RASGEF1B: variants seen among roughly 807,000 people sequenced by gnomAD.
RASGEF1B encodes RasGEF domain family member 1B.
Under a neutral mutation model 65.7 loss-of-function variants are expected in RASGEF1B, and 30 were observed. The observed-to-expected ratio is 0.46, with a 90% CI of 0.34 to 0.62. The LOEUF (loss-of-function observed/expected upper bound fraction) is 0.62, where lower values mean the gene tolerates loss of function less well. RASGEF1B is among the 20% of genes least tolerant of loss of function. The pLI, the probability that RASGEF1B is intolerant of heterozygous loss-of-function variation, is 0.01. For missense variants in RASGEF1B, 495 were observed against 580.1 expected (o/e 0.85, Z 1.51); for synonymous variants, 175 against 194.8 (o/e 0.90, Z 0.85).
intron 1 of RASGEF1B, among the ~76,000 whole-genome samples, chr4:81,468,964 T>C (rs1272553518): frequency 2.6e-5 from 4 of 152,200 alleles, no homozygotes; most frequent in Non-Finnish European, 5.9e-5. Context: ...AGTCTCCTTA[T>C]TTCCAAGGCA....
In RASGEF1B at chr4:81,433,863, G is replaced by A; in HGVS notation, c.1301C>T (p.Thr434Ile). ...RDRKILQYLL[T>I]VPVFSEDALY... Reference sequence around the variant, plus strand: ...ACCATCTTCACTGAAGACTGGTACTGTGAGCAGATACTGCAAGATCTTCCG... The same window carrying A: ...ACCATCTTCACTGAAGACTGGTACTATGAGCAGATACTGCAAGATCTTCCG... Residue 434 changes from threonine (T) to isoleucine (I), a missense_variant, in exon 12 of 14, where the codon ACA (threonine) becomes ATA (isoleucine). By Grantham distance (89) the Thr-to-Ile change is moderately conservative. Coordinates refer to ENST00000264400, the MANE Select transcript of RASGEF1B (RefSeq NM_152545.3). 2 of 1,614,050 alleles carry A rather than the reference G, an allele frequency of 1.2e-6. No individual in the cohort carries two copies. The highest frequency in any genetic ancestry group is 1.7e-6 in the Non-Finnish European group (2 of 1,179,956).
At chr4:81,434,026 G>A in intron 11 of RASGEF1B, 63 bp from the exon 12 acceptor site, 13 of 1,377,644 alleles carry the variant, frequency 9.4e-6, no homozygotes, top group Non-Finnish European at 1.2e-5. Flanking sequence ...GAGTTTGGGA[G>A]AGGCAATACC....
At chr4:81,432,461 C>G (rs992965749) in intron 12 of RASGEF1B, 90 bp from the exon 13 acceptor site, 5 of 764,250 alleles carry the variant, frequency 6.5e-6, no homozygotes, top group Non-Finnish European at 1.1e-5. Context: ...GAGCCAAACT[C>G]CATAGCAAAA....
chr4:81,447,489 G>C lies in RASGEF1B; in HGVS notation c.729+15C>G. The C allele has an allele frequency of 6.2e-7, 1 of 1,606,544 alleles. No individual in the cohort carries two copies. Among genetic ancestry groups the C allele is most frequent in the Non-Finnish European group, 8.5e-7 (1 of 1,173,214 alleles). ...ATTTTTGGTTTCAGTGCTGACCTTT[G>C]GGTAGACTGATTACCTTGTCATTAT... On this transcript the variant is annotated intron_variant, in intron 6 of 13. Transcript: ENST00000264400.
At position 81,435,095 on chromosome 4, in the gene RASGEF1B, C is replaced by T. The variant is rs551161603; in HGVS notation, c.1105-361G>A. On this transcript the variant is annotated intron_variant, in intron 10 of 13. Coordinates refer to ENST00000264400, the MANE Select transcript of RASGEF1B (RefSeq NM_152545.3). Reference sequence around the variant, plus strand: ...GAACTCTTGCCTTTCACTTAGCAACCCCTTAGCAAAATGTTAATAGAATAC... The same window carrying T: ...GAACTCTTGCCTTTCACTTAGCAACTCCTTAGCAAAATGTTAATAGAATAC... Among the ~76,000 whole-genome samples the T allele has an allele frequency of 6.4e-4, 98 of 152,174 alleles. 2 individuals carry two copies. The highest frequency in any genetic ancestry group is 2.3e-3 in the African/African-American group (95 of 41,522).
Position 81,433,904 on chromosome 4 carries a change from A to T in RASGEF1B, c.1260T>A (p.Cys420Ter). The change falls in exon 12 of 14, where the codon TGT becomes TGA. Residue 420 changes from cysteine to a stop codon, truncating the protein, a stop_gained. Transcript: ENST00000264400. LOFTEE classifies it high-confidence loss of function. Reference protein sequence around the residue: ...SEFMTWKQVECPFERDRKILQ... With the variant: ...SEFMTWKQVE ...AGATCTTCCGGTCCCTCTCAAATGG[A>T]CACTCCACTTGTTTCCATGTCATAA... 6.2e-7 allele frequency: 1 copy of T among 1,614,030 alleles called. No individual in the cohort carries two copies. Among genetic ancestry groups the T allele is most frequent in the Non-Finnish European group, 8.5e-7 (1 of 1,179,926 alleles).
chr4:81,466,813 A>AGAAAGAAAGAAAGAAAGAAG, intron 1 of RASGEF1B, among the ~76,000 whole-genome samples: 1 of 150,208 alleles, frequency 6.7e-6, no homozygotes, highest in Non-Finnish European at 1.5e-5. Context: ...AAAGAAAGAA[A>AGAAAGAAAGAAAGAAAGAAG]GAAAGAAAGA....
chr4:81,461,906 T>G (rs1193661530), intron 1 of RASGEF1B, among the ~76,000 whole-genome samples: 1 of 152,184 alleles, frequency 6.6e-6, no homozygotes, highest in Non-Finnish European at 1.5e-5. Context: ...CTGCACCAAG[T>G]ACTCTCCGGC....
chr4:81,467,747 G>A (rs1272284668), intron 1 of RASGEF1B, among the ~76,000 whole-genome samples: 2 of 152,190 alleles, frequency 1.3e-5, no homozygotes, highest in Non-Finnish European at 2.9e-5. Context: ...TACAGGTGAA[G>A]ACGTACTGGC....
chr4:81,445,851 C>A lies in RASGEF1B; in HGVS notation c.730-13G>T. The A allele has an allele frequency of 1.3e-6, 2 of 1,596,538 alleles. No homozygotes were observed. The highest frequency in any genetic ancestry group is 8.6e-7 in the Non-Finnish European group (1 of 1,164,852). On this transcript the variant is annotated splice_polypyrimidine_tract_variant and intron_variant, in intron 6 of 13. Transcript: ENST00000264400. Reference sequence around the variant, plus strand: ...CACTGTAGCAACTCTTTAGAGAAAACAAAGTAAACAGATGAGTTAGAGGAA... The same window carrying A: ...CACTGTAGCAACTCTTTAGAGAAAAAAAAGTAAACAGATGAGTTAGAGGAA...
intron 10 of RASGEF1B, among the ~76,000 whole-genome samples, chr4:81,435,801 A>G (rs1721613597): frequency 9.5e-6 from 1 of 105,764 alleles, no homozygotes; most frequent in Non-Finnish European, 1.8e-5. Context: ...TTTTTTTAAG[A>G]GACAGGTCTT....
chr4:81,457,351 T>C (rs78793243), intron 3 of RASGEF1B, 148 bp downstream of exon 3: 6 of 704,756 alleles, frequency 8.5e-6, no homozygotes, highest in African/African-American at 7.2e-5. Context: ...TTATTCTTTA[T>C]ACCATTCACA....
intron 13 of RASGEF1B, among the ~76,000 whole-genome samples, chr4:81,431,615 A>G (rs1721429760): frequency 6.6e-6 from 1 of 152,204 alleles, no homozygotes; most frequent in African/African-American, 2.4e-5. Context: ...GACCACAAAA[A>G]TAAGAGAAAA....
intron 1 of RASGEF1B, among the ~76,000 whole-genome samples, chr4:81,464,749 T>C (rs1044188766): frequency 2.0e-5 from 3 of 152,200 alleles, no homozygotes; most frequent in Non-Finnish European, 2.9e-5. Context: ...GCTCTGACAG[T>C]AACCTTGGTC....
chr4:81,462,967 G>A (rs1030161106), intron 1 of RASGEF1B, among the ~76,000 whole-genome samples: 3 of 152,176 alleles, frequency 2.0e-5, no homozygotes, highest in Non-Finnish European at 4.4e-5. Flanking sequence ...CTTGGGGTTA[G>A]ACATGGAGTA....
At chr4:81,431,727 C>T (rs1209839646) in intron 13 of RASGEF1B, among the ~76,000 whole-genome samples, 2 of 152,114 alleles carry the variant, frequency 1.3e-5, no homozygotes, top group Non-Finnish European at 2.9e-5. Context: ...GCTGCTTTTG[C>T]CTATTAAAGT....
intron 1 of RASGEF1B, among the ~76,000 whole-genome samples, chr4:81,466,772 AAG>A (rs1491266774): frequency 7.6e-4 from 86 of 113,470 alleles, no homozygotes; most frequent in South Asian, 2.0e-3. Flanking sequence ...AAAAAAAAAA[AAG>A]AAAGAAAGAA....
Position 81,459,381 on chromosome 4 carries a change from A to G in RASGEF1B, c.128T>C (p.Leu43Pro), listed in dbSNP as rs1470543264. 1.2e-6 allele frequency: 2 copies of G among 1,613,050 alleles called. No homozygotes were observed. Among genetic ancestry groups the G allele is most frequent in the African/African-American group, 2.7e-5 (2 of 74,872 alleles). Residue 43 changes from leucine (L) to proline (P), a missense_variant, in exon 2 of 14, where the codon CTG (leucine) becomes CCG (proline). Coordinates refer to ENST00000264400, the MANE Select transcript of RASGEF1B (RefSeq NM_152545.3). ...TACTAAGTGCTGGATGAGTGCTTCC[A>G]GGGATCCAGAGAGGAGGTTGTTGTC... is the stretch of plus-strand genomic sequence containing the variant. ...YHDNNLLSGSLEALIQHLVPN... is the reference protein window; with the variant it reads ...YHDNNLLSGSPEALIQHLVPN...
chr4:81,460,302 G>T (rs1722598477), intron 1 of RASGEF1B, among the ~76,000 whole-genome samples: 1 of 152,214 alleles, frequency 6.6e-6, no homozygotes, highest in African/African-American at 2.4e-5. Flanking sequence ...AGGGTGCTCT[G>T]CAGAGGCCAG....
Sources: gnomAD v4.1 joint callset for allele counts (sites outside exome capture counted in the v4.1 genomes callset) on GRCh38, gnomAD v4.1.1 for gene constraint, MANE v1.5 for transcripts, NCBI Gene and HGNC (gene_info 2026-07-23, HGNC 2026-07-21) for gene names.